Variants in PTPRM observed in about 807,000 individuals in gnomAD.
PTPRM encodes receptor-type tyrosine-protein phosphatase mu.
In PTPRM, 47 loss-of-function variants were observed where a neutral mutation model predicts 186.7. The ratio of observed to expected loss-of-function variants is 0.25; its 90% CI spans 0.20 to 0.32. The LOEUF (loss-of-function observed/expected upper bound fraction) is 0.32. Ranked by LOEUF, PTPRM falls within the 10% of genes least tolerant of loss-of-function variation. The pLI is 1.00. For missense variants in PTPRM, 1,494 were observed against 1,865.0 expected, an observed-to-expected ratio of 0.80 and a Z score of 3.66; for synonymous variants, 668 against 674.9, an observed-to-expected ratio of 0.99 and a Z score of 0.16.
At chr18:8,311,992 G>A (rs1466512904) in intron 20 of PTPRM, among the ~76,000 whole-genome samples, 3 of 152,104 alleles carry the variant, frequency 2.0e-5, no homozygotes, top group African/African-American at 7.2e-5. Flanking sequence ...ACAGATCTTC[G>A]AGACAGGCCT....
intron 6 of PTPRM, among the ~76,000 whole-genome samples, chr18:7,949,636 T>C (rs1040712146): frequency 6.6e-6 from 1 of 152,034 alleles, no homozygotes; most frequent in African/African-American, 2.4e-5. Flanking sequence ...TTACAACTTA[T>C]AAATTTTTTT....
intron 31 of PTPRM, among the ~76,000 whole-genome samples, chr18:8,388,993 A>G (rs940145035): frequency 3.3e-5 from 5 of 152,140 alleles, no homozygotes; most frequent in African/African-American, 4.8e-5. Flanking sequence ...CTATCAAGAA[A>G]ATGACAAAAA....
At position 8,367,517 on chromosome 18, in the gene PTPRM, C is replaced by T. The variant is rs993405224; in HGVS notation, c.3055-3373C>T. Among the ~76,000 whole-genome samples, 3 of 152,382 alleles carry T rather than the reference C, an allele frequency of 2.0e-5. No individual in the cohort carries two copies. The East Asian group carries it at 5.8e-4, about 29-fold the overall frequency. On this transcript the variant is annotated intron_variant, in intron 23 of 32. Transcript: ENST00000580170. ...CGCTGGGAGAGCGGCGGCACCTGTT[C>T]CGCGGAAGCGCGGCCAAAGTTGGAA...
Position 8,387,248 on chromosome 18 carries a change from C to A in PTPRM, c.4208+13C>A. 6.2e-7 allele frequency: 1 copy of A among 1,610,044 alleles called. No individual in the cohort carries two copies. The highest frequency in any genetic ancestry group is 1.1e-5 in the South Asian group (1 of 90,768). On this transcript the variant is annotated intron_variant, in intron 31 of 32. Transcript: ENST00000580170. ...TTGTGCACTGCTTGTAAGTGCTTGA[C>A]AGAGCTCTTCATTTCAGAACAGCGA...
rs561446285 is a variant in PTPRM, at chr18:7,791,902, C to G, written c.196+17631C>G. 2.0e-5 allele frequency among the ~76,000 whole-genome samples: 3 copies of G among 152,190 alleles called. No homozygotes were observed. In the South Asian group the frequency reaches 6.2e-4, roughly 32 times the overall value. ...ATTAATCCATAACAACTAGATCTTACACAAGTAGATTTTTTCCTAAGCTTT... is the reference window on the plus strand; with the variant it reads ...ATTAATCCATAACAACTAGATCTTAGACAAGTAGATTTTTTCCTAAGCTTT... On this transcript the variant is annotated intron_variant, in intron 2 of 32. Coordinates refer to ENST00000580170, the MANE Select transcript of PTPRM (RefSeq NM_001105244.2).
At chr18:7,914,205 T>C (rs1372551731) in intron 4 of PTPRM, among the ~76,000 whole-genome samples, 2 of 152,170 alleles carry the variant, frequency 1.3e-5, no homozygotes, top group African/African-American at 4.8e-5. Flanking sequence ...GGACTCAGAA[T>C]TGACCTTTCA....
Position 7,634,922 on chromosome 18 carries a change from T to A in PTPRM, c.73+67031T>A, listed in dbSNP as rs562696621. Among the ~76,000 whole-genome samples, 5 of 152,314 alleles carry A rather than the reference T, an allele frequency of 3.3e-5. No homozygotes were observed. In the South Asian group the frequency reaches 1.0e-3, roughly 32 times the overall value. On this transcript the variant is annotated intron_variant, in intron 1 of 32. Transcript: ENST00000580170. Reference sequence around the variant, plus strand: ...AAATTAGGATATGTTATTTTCATATTAAATGTCCCTAAGATAATAAGCAAT... The same window carrying A: ...AAATTAGGATATGTTATTTTCATATAAAATGTCCCTAAGATAATAAGCAAT...
intron 2 of PTPRM, among the ~76,000 whole-genome samples, chr18:7,874,943 A>G (rs1228092207): frequency 1.3e-5 from 2 of 152,212 alleles, no homozygotes; most frequent in Non-Finnish European, 2.9e-5. Context: ...CTGTAATCCC[A>G]GCACTTTGGG....
Position 8,321,767 on chromosome 18 carries a change from G to C in PTPRM, c.2956+2553G>C, listed in dbSNP as rs549186464. ...TGCAGGGAGAGGAGGGAAAATGAATGAATATTTTTAATCTAACATGCAGTC... is the reference window on the plus strand; with the variant it reads ...TGCAGGGAGAGGAGGGAAAATGAATCAATATTTTTAATCTAACATGCAGTC... On this transcript the variant is annotated intron_variant, in intron 22 of 32. Coordinates refer to ENST00000580170, the MANE Select transcript of PTPRM (RefSeq NM_001105244.2). 2.6e-5 allele frequency among the ~76,000 whole-genome samples: 4 copies of C among 152,216 alleles called. No individual in the cohort carries two copies. In the East Asian group the frequency reaches 7.8e-4, roughly 29 times the overall value.
intron 29 of PTPRM, among the ~76,000 whole-genome samples, chr18:8,383,982 C>T (rs1207509148): frequency 1.3e-5 from 2 of 152,068 alleles, no homozygotes; most frequent in Non-Finnish European, 2.9e-5. Context: ...CACATGACCT[C>T]GTTGGAAAGC....
chr18:7,666,087 G>C, intron 1 of PTPRM, among the ~76,000 whole-genome samples: 1 of 152,156 alleles, frequency 6.6e-6, no homozygotes, highest in South Asian at 2.1e-4. Flanking sequence ...CATATCGTTA[G>C]AATACATTTC....
At chr18:8,272,573 A>C (rs1301075654) in intron 19 of PTPRM, among the ~76,000 whole-genome samples, 2 of 152,242 alleles carry the variant, frequency 1.3e-5, no homozygotes, top group Non-Finnish European at 2.9e-5. Flanking sequence ...ATTTAGAAGC[A>C]TGTGAGTTTA....
intron 3 of PTPRM, among the ~76,000 whole-genome samples, chr18:7,892,577 G>T (rs1394459299): frequency 6.6e-6 from 1 of 152,176 alleles, no homozygotes; most frequent in Non-Finnish European, 1.5e-5. Flanking sequence ...AGCAGTAAAT[G>T]ATTTGCCAAA....
At chr18:8,240,596 A>G (rs1157154882) in intron 14 of PTPRM, among the ~76,000 whole-genome samples, 1 of 128,636 alleles carries the variant, frequency 7.8e-6, no homozygotes, top group Non-Finnish European at 1.6e-5. Context: ...GGCAACCTGC[A>G]TGGAGAGAGA....
At chr18:8,213,060 G>A (rs990948266) in intron 14 of PTPRM, among the ~76,000 whole-genome samples, 1 of 152,158 alleles carries the variant, frequency 6.6e-6, no homozygotes, top group African/African-American at 2.4e-5. Flanking sequence ...CAGCACTGTC[G>A]AGAATGATGT....
chr18:8,213,696 CA>C (rs2094038508), intron 14 of PTPRM, among the ~76,000 whole-genome samples: 1 of 152,144 alleles, frequency 6.6e-6, no homozygotes, highest in Non-Finnish European at 1.5e-5. Context: ...TTATGACCTC[CA>C]GTTTCTCAGA....
intron 23 of PTPRM, among the ~76,000 whole-genome samples, chr18:8,352,632 C>CTTTTTTTTTTTTTTTTTTTTTTTTTT (rs58235619): frequency 7.7e-6 from 1 of 130,462 alleles, no homozygotes; most frequent in Non-Finnish European, 1.6e-5. Context: ...TTTTTCTTTT[C>CTTTTTTTTTTTTTTTTTTTTTTTTTT]TTTTTTTTTT....
At chr18:7,657,682 G>A (rs149172564) in intron 1 of PTPRM, among the ~76,000 whole-genome samples, 15 of 152,314 alleles carry the variant, frequency 9.8e-5, no homozygotes, top group African/African-American at 3.6e-4. Context: ...GCCTTGTGCA[G>A]GGCATCATTC....
chr18:8,248,215 T>G (rs2094495867), intron 17 of PTPRM, 39 bp downstream of exon 17: 1 of 1,513,778 alleles, frequency 6.6e-7, no homozygotes, highest in Non-Finnish European at 9.2e-7. Flanking sequence ...ATTGCAGGAG[T>G]AATTTAGAAA....
Sources: gnomAD v4.1 joint callset for allele counts (sites outside exome capture counted in the v4.1 genomes callset) on GRCh38, gnomAD v4.1.1 for gene constraint, MANE v1.5 for transcripts, NCBI Gene and HGNC (gene_info 2026-07-23, HGNC 2026-07-21) for gene names.